Variants in ADORA2B observed in about 807,000 individuals in gnomAD.
The protein encoded by ADORA2B is adenosine receptor A2b.
In ADORA2B, 18 loss-of-function variants were observed where a neutral mutation model predicts 20.8. That is an observed-to-expected ratio of 0.87 (90% CI 0.60 to 1.29). The LOEUF is 1.29. Ranked by LOEUF, ADORA2B falls within the 50% of genes most tolerant of loss-of-function variation. The pLI, the probability that ADORA2B is intolerant of heterozygous loss-of-function variation, is 0.00. For synonymous variants in ADORA2B, 179 were observed against 178.3 expected, an observed-to-expected ratio of 1.00 and a Z score of -0.03; for missense variants, 441 against 422.7, an observed-to-expected ratio of 1.04 and a Z score of -0.38.
At chr17:15,939,733 T>C in the ADORA2B span, among the ~76,000 whole-genome samples, 1 of 151,298 alleles carries the variant, frequency 6.6e-6, no homozygotes, top group Non-Finnish European at 1.5e-5. Flanking sequence ...TGGTGGCGGG[T>C]GCCTGTAGTC....
the ADORA2B span, among the ~76,000 whole-genome samples, chr17:15,854,627 T>C: frequency 6.6e-6 from 1 of 152,220 alleles, no homozygotes; most frequent in Non-Finnish European, 1.5e-5. Context: ...TAAAACTACT[T>C]TTGAAAACTG....
the ADORA2B span, among the ~76,000 whole-genome samples, chr17:15,912,705 G>A: frequency 5.9e-5 from 9 of 152,198 alleles, no homozygotes; most frequent in African/African-American, 1.9e-4. Context: ...GCAGGCATAT[G>A]TGAACACATG....
chr17:15,882,665 G>T, the ADORA2B span, among the ~76,000 whole-genome samples: 1 of 152,088 alleles, frequency 6.6e-6, no homozygotes, highest in East Asian at 1.9e-4. Flanking sequence ...TATCAAAACT[G>T]CCCATTTACA....
the ADORA2B span, among the ~76,000 whole-genome samples, chr17:15,894,470 A>G: frequency 3.9e-4 from 59 of 152,290 alleles, no homozygotes; most frequent in African/African-American, 1.4e-3. Flanking sequence ...GGTCAAGGAC[A>G]TGGAAGAAAG....
the ADORA2B span, among the ~76,000 whole-genome samples, chr17:15,903,559 C>T: frequency 8.5e-5 from 13 of 152,182 alleles, no homozygotes; most frequent in Non-Finnish European, 1.8e-4. Context: ...AAATTGCCTC[C>T]AGCACCCACT....
intron 1 of ADORA2B, among the ~76,000 whole-genome samples, chr17:15,962,995 G>C (rs911498778): frequency 1.3e-5 from 2 of 152,112 alleles, no homozygotes; most frequent in Non-Finnish European, 2.9e-5. Flanking sequence ...AAGAGTCTTG[G>C]TTCCTTTTAG....
chr17:15,965,449 G>A (rs980833087), intron 1 of ADORA2B, among the ~76,000 whole-genome samples: 3 of 152,200 alleles, frequency 2.0e-5, no homozygotes, highest in African/African-American at 7.2e-5. Context: ...CACGGGAGAG[G>A]TGCTCTGGGT....
At chr17:15,942,946 G>A (rs1597841310), upstream of ADORA2B, among the ~76,000 whole-genome samples, 1 of 152,066 alleles carries the variant, frequency 6.6e-6, no homozygotes, top group Non-Finnish European at 1.5e-5. Context: ...CAGTACCCCA[G>A]GAAGCCTCCT....
chr17:15,930,286 C>CTTTTTT, the ADORA2B span, among the ~76,000 whole-genome samples: 1 of 138,870 alleles, frequency 7.2e-6, no homozygotes, highest in Non-Finnish European at 1.6e-5. Context: ...TATGTGTCTC[C>CTTTTTT]TTTTTTTTTT....
upstream of ADORA2B, among the ~76,000 whole-genome samples, chr17:15,944,386 C>G (rs116555413): frequency 2.5e-3 from 384 of 152,108 alleles, 1 homozygote; most frequent in African/African-American, 8.8e-3. This position sits in a 1 kb window ranked among gnomAD's most constrained non-coding sequence, Gnocchi z 4.8. Context: ...GAGCCTGTGC[C>G]GATCCAGGGT....
the ADORA2B span, among the ~76,000 whole-genome samples, chr17:15,898,291 T>TTTTA: frequency 1.3e-5 from 2 of 151,998 alleles, no homozygotes; most frequent in Non-Finnish European, 2.9e-5. Flanking sequence ...TATTTTTTAT[T>TTTTA]TTTATTTATT....
At chr17:15,918,944 A>G in the ADORA2B span, among the ~76,000 whole-genome samples, 1 of 152,098 alleles carries the variant, frequency 6.6e-6, no homozygotes, top group African/African-American at 2.4e-5. Context: ...GGAGGAGCAA[A>G]TAGTGAAGCC....
At chr17:15,877,861 TTTGCCCTTCCC>T in the ADORA2B span, among the ~76,000 whole-genome samples, 4 of 152,094 alleles carry the variant, frequency 2.6e-5, no homozygotes, top group African/African-American at 9.7e-5. Context: ...TAGTCAGGTC[TTTGCCCTTCCC>T]CACTGCTGGC....
the ADORA2B span, among the ~76,000 whole-genome samples, chr17:15,871,339 G>A: frequency 6.6e-6 from 1 of 152,126 alleles, no homozygotes; most frequent in Non-Finnish European, 1.5e-5. Context: ...CCTCTTCCTC[G>A]GGAATTTTGG....
chr17:15,962,717 C>T lies in ADORA2B; in HGVS notation c.336-11962C>T, dbSNP rs147239729. 6.5e-3 allele frequency among the ~76,000 whole-genome samples: 989 copies of T among 152,116 alleles called. 12 individuals are homozygous for T. The highest frequency in any genetic ancestry group is 0.023 in the African/African-American group (959 of 41,492). ...ATTTTTAGTAGAGACGGGGTTTCACCGTGTTGGCCAGGCTGGTCTCAAACT... is the reference window on the plus strand; with the variant it reads ...ATTTTTAGTAGAGACGGGGTTTCACTGTGTTGGCCAGGCTGGTCTCAAACT... On this transcript the variant is annotated intron_variant, in intron 1 of 1. Transcript: ENST00000304222.
chr17:15,960,723 A>G (rs903652858), intron 1 of ADORA2B, among the ~76,000 whole-genome samples: 1 of 148,984 alleles, frequency 6.7e-6, no homozygotes, highest in African/African-American at 2.5e-5. Context: ...CACACACAAA[A>G]AAATTAGCCG....
At chr17:15,863,968 T>G in the ADORA2B span, 2 of 155,440 alleles carry the variant, frequency 1.3e-5, no homozygotes, top group Admixed American at 1.3e-4. Flanking sequence ...AGACATTTGC[T>G]TTTCTAAAGT....
chr17:15,861,908 A>G, the ADORA2B span, among the ~76,000 whole-genome samples: 2 of 152,132 alleles, frequency 1.3e-5, no homozygotes, highest in East Asian at 3.8e-4. Context: ...TGCACTCCTC[A>G]TCCTGATCTT....
the ADORA2B span, among the ~76,000 whole-genome samples, chr17:15,920,843 G>A: frequency 1.3e-5 from 2 of 152,192 alleles, no homozygotes; most frequent in East Asian, 1.9e-4. Flanking sequence ...CTTGGAGGCT[G>A]CGAGCCCAGC....
Sources: gnomAD v4.1 joint callset for allele counts (sites outside exome capture counted in the v4.1 genomes callset) on GRCh38, gnomAD v4.1.1 for gene constraint, Gnocchi (gnomAD v3.1) non-coding constraint, MANE v1.5 for transcripts, NCBI Gene and HGNC (gene_info 2026-07-23, HGNC 2026-07-21) for gene names.